Variants in MLYCD observed in about 807,000 individuals in gnomAD.
The protein encoded by MLYCD is malonyl-CoA decarboxylase, mitochondrial.
In MLYCD, 27 loss-of-function variants were observed where a neutral mutation model predicts 35.8. That is an observed-to-expected ratio of 0.75 (90% CI 0.56 to 1.04). The LOEUF is 1.04. MLYCD is among the 50% of genes least tolerant of loss of function. MLYCD has a pLI of 0.00. For missense variants in MLYCD, 917 were observed against 665.1 expected (o/e 1.38, Z -4.17); for synonymous variants, 403 against 302.4 (o/e 1.33, Z -3.45).
At chr16:83,902,981 A>G (rs1906851655) in intron 1 of MLYCD, among the ~76,000 whole-genome samples, 1 of 151,966 alleles carries the variant, frequency 6.6e-6, no homozygotes, top group Non-Finnish European at 1.5e-5. Context: ...GGTGGTTTAT[A>G]GGCTTTTTGT....
In MLYCD at chr16:83,915,951, G is replaced by T; in HGVS notation, c.*462G>T. The T allele has an allele frequency of 9.4e-7, 1 of 1,063,228 alleles. No homozygotes were observed. Among genetic ancestry groups the T allele is most frequent in the Non-Finnish European group, 1.1e-6 (1 of 875,898 alleles). The allele number at this position is 1,063,228 out of a possible 1,614,324, so 65.9% of individuals were successfully genotyped here. ...GGTTGCTTTAGCCGTTTCTCACCAT[G>T]CAATGCAGAGGGACAAAGGGCTGTG... On this transcript the variant is annotated 3_prime_UTR_variant, in exon 5 of 5. Coordinates refer to ENST00000262430, the MANE Select transcript of MLYCD (RefSeq NM_012213.3).
intron 3 of MLYCD, among the ~76,000 whole-genome samples, chr16:83,909,801 T>G (rs948907292): frequency 6.6e-6 from 1 of 151,556 alleles, no homozygotes; most frequent in East Asian, 1.9e-4. Flanking sequence ...TTTTTTTTTT[T>G]TTTGTATTTT....
chr16:83,902,678 G>A (rs537005160), intron 1 of MLYCD, among the ~76,000 whole-genome samples: 1 of 151,786 alleles, frequency 6.6e-6, no homozygotes, highest in Admixed American at 6.6e-5. Context: ...GCTAATTTTT[G>A]TATTTTTAGG....
rs1223192099 is a variant in MLYCD at position 83,918,499 on chromosome 16, A to G, written c.*3010A>G. 2 of 144,206 alleles carry G rather than the reference A, an allele frequency of 1.4e-5. No homozygotes were observed. Among genetic ancestry groups the G allele is most frequent in the African/African-American group, 5.1e-5 (2 of 38,930 alleles). 8.9% of individuals were successfully genotyped at this position (144,206 alleles called of 1,614,324 possible). A position where few individuals can be genotyped will look rare whatever the true frequency, so the allele number is the denominator to read the frequency against. On this transcript the variant is annotated 3_prime_UTR_variant, in exon 5 of 5. Coordinates refer to ENST00000262430, the MANE Select transcript of MLYCD (RefSeq NM_012213.3). ...ACACACAGTGCACAGGAGAACACGC[A>G]CAGTGCACAGGAGAACACAGAGTGC...
chr16:83,912,092 G>A, intron 3 of MLYCD, 126 bp from the exon 4 acceptor site: 1 of 1,365,238 alleles, frequency 7.3e-7, no homozygotes, highest in Non-Finnish European at 1.0e-6. Context: ...ACCCCAGCTG[G>A]GGAGCCGAGG....
At chr16:83,908,594 G>C (rs1907064109) in intron 3 of MLYCD, among the ~76,000 whole-genome samples, 1 of 152,176 alleles carries the variant, frequency 6.6e-6, no homozygotes. Flanking sequence ...AGAAGGGACA[G>C]ATACCTGATT....
At chr16:83,910,971 ATTTC>A (rs139705073) in intron 3 of MLYCD, among the ~76,000 whole-genome samples, 10,014 of 151,870 alleles carry the variant, frequency 0.066, 402 homozygotes, top group Non-Finnish European at 0.091. Context: ...TCCATACACA[ATTTC>A]TTTCTTTTTT....
rs1391521559 is a variant in MLYCD, at chr16:83,925,150, C to T, written c.*9661C>T. On this transcript the variant is annotated 3_prime_UTR_variant, in exon 5 of 5. Transcript: ENST00000262430. ...GTTAGGACAGTCACTTGCACAGTCC[C>T]CTCACTGGTGACACAGACACCCCAT... is the stretch of plus-strand genomic sequence containing the variant. 1 of 152,542 alleles carries T rather than the reference C, an allele frequency of 6.6e-6. No homozygotes were observed. The highest frequency in any genetic ancestry group is 1.5e-5 in the Non-Finnish European group (1 of 68,310). 9.4% of individuals were successfully genotyped at this position (152,542 alleles called of 1,614,324 possible).
rs1479431906 is a variant in MLYCD at position 83,921,092 on chromosome 16, G to C, written c.*5603G>C. The C allele has an allele frequency of 6.6e-6, 1 of 151,314 alleles. No individual in the cohort carries two copies. The highest frequency in any genetic ancestry group is 1.5e-5 in the Non-Finnish European group (1 of 67,808). 9.4% of individuals were successfully genotyped at this position (151,314 alleles called of 1,614,324 possible). On this transcript the variant is annotated 3_prime_UTR_variant, in exon 5 of 5. Coordinates refer to ENST00000262430, the MANE Select transcript of MLYCD (RefSeq NM_012213.3). ...TGGAAGGAAGGAAGATGGTTGGATG[G>C]ATGGAAGATGGATGGATGGATGGAT...
intron 1 of MLYCD, among the ~76,000 whole-genome samples, chr16:83,903,229 G>A (rs1005869340): frequency 1.3e-5 from 2 of 152,192 alleles, no homozygotes; most frequent in South Asian, 4.1e-4. Context: ...AACTAGAGAA[G>A]GGACCTGGTT....
Position 83,912,366 on chromosome 16 carries a change from A to G in MLYCD, c.947A>G (p.Gln316Arg), listed in dbSNP as rs1907211481. The part of the protein sequence containing the change: ...FLIKRVVKEL[Q>R]REFPHLGVFS... ...ATAAAGCGAGTCGTCAAGGAGTTGCAGGTAAGCGACACGCAGGGAGCCCCG... is the reference window on the plus strand; with the variant it reads ...ATAAAGCGAGTCGTCAAGGAGTTGCGGGTAAGCGACACGCAGGGAGCCCCG... The change falls in exon 4 of 5, where the codon CAG (glutamine) becomes CGG (arginine). Residue 316 changes from glutamine to arginine, a missense_variant and splice_region_variant. Gln to Arg is a conservative substitution (Grantham distance 43). Transcript: ENST00000262430. The G allele has an allele frequency of 1.2e-6, 2 of 1,614,110 alleles. No individual in the cohort carries two copies. The highest frequency in any genetic ancestry group is 1.7e-6 in the Non-Finnish European group (2 of 1,180,008).
At position 83,915,038 on chromosome 16, in the gene MLYCD, C is replaced by G; in HGVS notation, c.1031C>G (p.Ser344Trp). The G allele has an allele frequency of 6.2e-7, 1 of 1,614,224 alleles. No homozygotes were observed. Among genetic ancestry groups the G allele is most frequent in the Non-Finnish European group, 8.5e-7 (1 of 1,180,048 alleles). ...AAATGGCTTCTGGGGCTTCTGAACT[C>G]GCAAACGAAGGAGCATGGGAGGAAT... ...FTKWLLGLLNSQTKEHGRNEL... is the reference protein window; with the variant it reads ...FTKWLLGLLNWQTKEHGRNEL... The change falls in exon 5 of 5, where the codon TCG becomes TGG. Residue 344 changes from serine to tryptophan, a missense_variant. Physicochemically the swap from Ser to Trp is radical, Grantham distance 177 (BLOSUM62 -3). Coordinates refer to ENST00000262430, the MANE Select transcript of MLYCD (RefSeq NM_012213.3).
At position 83,918,848 on chromosome 16, in the gene MLYCD, A is replaced by T. The variant is rs1196884643; in HGVS notation, c.*3359A>T. 1.0e-4 allele frequency: 15 copies of T among 150,070 alleles called. No homozygotes were observed. The highest frequency in any genetic ancestry group is 3.7e-4 in the African/African-American group (15 of 40,248). The allele number at this position is 150,070 out of a possible 1,614,324, so 9.3% of individuals were successfully genotyped here. On this transcript the variant is annotated 3_prime_UTR_variant, in exon 5 of 5. Coordinates refer to ENST00000262430, the MANE Select transcript of MLYCD (RefSeq NM_012213.3). ...ACACAGTACACAGGAGAACACGCAC[A>T]CACAGTGCACAGAACACAGCCAGTG... is the stretch of plus-strand genomic sequence containing the variant.
Position 83,899,185 on chromosome 16 carries a change from T to C in MLYCD, c.41T>C (p.Leu14Pro). The C allele has an allele frequency of 8.5e-7, 1 of 1,171,890 alleles. No individual in the cohort carries two copies. The highest frequency in any genetic ancestry group is 1.0e-6 in the Non-Finnish European group (1 of 953,084). 72.6% of individuals were successfully genotyped at this position (1,171,890 alleles called of 1,614,324 possible). ...CCAGGCTTGACGGCCAGGCGTCTCC[T>C]CCCGCTGCGGTTGCCCCCGCGGCCG... ...FGPGLTARRL[L>P]PLRLPPRPPG... The change falls in exon 1 of 5, where the codon CTC (leucine) becomes CCC (proline). Residue 14 changes from leucine to proline, a missense_variant. Coordinates refer to ENST00000262430, the MANE Select transcript of MLYCD (RefSeq NM_012213.3).
At position 83,915,111 on chromosome 16, in the gene MLYCD, T is replaced by C. The variant is rs1316526085; in HGVS notation, c.1104T>C (p.Gly368=). Residue 368 remains glycine (G), a synonymous_variant, in exon 5 of 5, where the codon GGT becomes GGC. Transcript: ENST00000262430. ...GTAAGGAAATCTCGGAGATCACAGGTGGCCCCATTAACGAGACCCTCAAGC... is the reference window on the plus strand; with the variant it reads ...GTAAGGAAATCTCGGAGATCACAGGCGGCCCCATTAACGAGACCCTCAAGC... ...SECKEISEIT[G]GPINETLKLL... is the part of the protein sequence containing the mutation. 1.2e-6 allele frequency: 2 copies of C among 1,614,248 alleles called. No homozygotes were observed. Among genetic ancestry groups the C allele is most frequent in the East Asian group, 2.2e-5 (1 of 44,888 alleles).
chr16:83,900,557 A>G (rs528524857), intron 1 of MLYCD, among the ~76,000 whole-genome samples: 74 of 149,092 alleles, frequency 5.0e-4, no homozygotes, highest in Admixed American at 1.3e-3. Flanking sequence ...CTGGGACTAC[A>G]GGTGCAGGCC....
intron 3 of MLYCD, among the ~76,000 whole-genome samples, chr16:83,908,664 T>C (rs1319285618): frequency 6.6e-6 from 1 of 152,216 alleles, no homozygotes; most frequent in Non-Finnish European, 1.5e-5. Context: ...TGAAAGATAC[T>C]TGATTAGAAA....
rs1907731959 is a variant in MLYCD, at chr16:83,924,016, C to G, written c.*8527C>G. 6.6e-6 allele frequency: 1 copy of G among 152,272 alleles called. No individual in the cohort carries two copies. Among genetic ancestry groups the G allele is most frequent in the African/African-American group, 2.4e-5 (1 of 41,432 alleles). 9.4% of individuals were successfully genotyped at this position (152,272 alleles called of 1,614,324 possible). A position where few individuals can be genotyped will look rare whatever the true frequency, so the allele number is the denominator to read the frequency against. On this transcript the variant is annotated 3_prime_UTR_variant, in exon 5 of 5. Coordinates refer to ENST00000262430, the MANE Select transcript of MLYCD (RefSeq NM_012213.3). ...GTGGCTTCTCTCAAACCCGGGCATG[C>G]ACAGTGCTGGCCGTATCGGTCCGAG...
rs892761167 is a variant in MLYCD, at chr16:83,925,123, C to T, written c.*9634C>T. 1.3e-5 allele frequency: 2 copies of T among 152,376 alleles called. No homozygotes were observed. The highest frequency in any genetic ancestry group is 2.1e-4 in the South Asian group (1 of 4,834). 9.4% of individuals were successfully genotyped at this position (152,376 alleles called of 1,614,324 possible). The stretch of plus-strand genomic sequence containing the variant: ...GAGCTTCTTTTCACTCTGAAGTGTT[C>T]AGTTAGGACAGTCACTTGCACAGTC... On this transcript the variant is annotated 3_prime_UTR_variant, in exon 5 of 5. Coordinates refer to ENST00000262430, the MANE Select transcript of MLYCD (RefSeq NM_012213.3).
Sources: allele counts gnomAD v4.1 joint callset (sites outside exome capture counted in the v4.1 genomes callset), GRCh38; gene constraint gnomAD v4.1.1; transcripts MANE v1.5; gene names NCBI Gene and HGNC (gene_info 2026-07-23, HGNC 2026-07-21).